SLC28A3: variants seen among roughly 807,000 people sequenced by gnomAD.
The protein encoded by SLC28A3 is solute carrier family 28 member 3.
SLC28A3 carries 68 observed loss-of-function variants against 84.2 expected under a neutral mutation model. The ratio of observed to expected loss-of-function variants is 0.81; its 90% confidence interval spans 0.66 to 0.99. SLC28A3 has a LOEUF of 0.99. Among genes scored for constraint, SLC28A3 ranks in the 50% least tolerant of loss-of-function variants. SLC28A3 has a pLI of 0.00. For synonymous variants in SLC28A3, 267 were observed against 303.6 expected (o/e 0.88, Z 1.25); for missense variants, 712 against 841.5 (o/e 0.85, Z 1.90).
the SLC28A3 span, among the ~76,000 whole-genome samples, chr9:84,361,075 GT>G: frequency 6.6e-6 from 1 of 152,158 alleles, no homozygotes; most frequent in Non-Finnish European, 1.5e-5. Flanking sequence ...GCCGGGTGCG[GT>G]GGCTCAGGCC....
intron 3 of SLC28A3, 81 bp downstream of exon 3, chr9:84,309,548 A>ATT: frequency 1.4e-6 from 1 of 726,270 alleles, no homozygotes; most frequent in Non-Finnish European, 2.1e-6. Flanking sequence ...AAAAAAAAAA[A>ATT]GAAATCAAAT....
At chr9:84,306,003 T>C (rs1357075683) in intron 3 of SLC28A3, among the ~76,000 whole-genome samples, 1 of 152,116 alleles carries the variant, frequency 6.6e-6, no homozygotes, top group Non-Finnish European at 1.5e-5. Context: ...GTGAGTAATG[T>C]GTAGGTTGGG....
At chr9:84,302,480 G>A (rs1217188756) in intron 4 of SLC28A3, 91 bp from the exon 5 acceptor site, 1 of 1,252,290 alleles carries the variant, frequency 8.0e-7, no homozygotes, top group East Asian at 2.5e-5. Context: ...GGTGAGGGGA[G>A]GTTTAATATC....
At chr9:84,314,900 A>C (rs1826116443) in intron 1 of SLC28A3, among the ~76,000 whole-genome samples, 1 of 152,144 alleles carries the variant, frequency 6.6e-6, no homozygotes, top group African/African-American at 2.4e-5. Context: ...AACATGGTGA[A>C]ACCCCGTCTC....
chr9:84,282,463 C>G (rs1477201568), intron 14 of SLC28A3, among the ~76,000 whole-genome samples: 1 of 152,146 alleles, frequency 6.6e-6, no homozygotes, highest in Non-Finnish European at 1.5e-5. Flanking sequence ...ATCACAGGAG[C>G]TTCCTTATAG....
chr9:84,285,186 T>C (rs982844745), intron 14 of SLC28A3, among the ~76,000 whole-genome samples, 159 bp downstream of exon 14: 2 of 152,254 alleles, frequency 1.3e-5, no homozygotes, highest in Admixed American at 1.3e-4. Flanking sequence ...GGAAGTGCTA[T>C]GTACATTATA....
At chr9:84,342,267 T>C (rs1007044915), upstream of SLC28A3, among the ~76,000 whole-genome samples, 1 of 151,670 alleles carries the variant, frequency 6.6e-6, no homozygotes. Flanking sequence ...CTGAGTTTTC[T>C]ATAAAGAGAA....
chr9:84,345,977 A>G, the SLC28A3 span, among the ~76,000 whole-genome samples: 1 of 152,208 alleles, frequency 6.6e-6, no homozygotes, highest in African/African-American at 2.4e-5. Flanking sequence ...AGGCCTTTTC[A>G]GTTTTACAAG....
At chr9:84,365,991 G>T in the SLC28A3 span, among the ~76,000 whole-genome samples, 1 of 152,090 alleles carries the variant, frequency 6.6e-6, no homozygotes, top group Non-Finnish European at 1.5e-5. Flanking sequence ...CAGAGGTTGT[G>T]GTGAGCCAAG....
chr9:84,287,831 G>C lies in SLC28A3; in HGVS notation c.1280+217C>G, dbSNP rs559819411. Among the ~76,000 whole-genome samples the C allele has an allele frequency of 2.0e-5, 3 of 152,278 alleles. No individual in the cohort carries two copies. The South Asian group carries it at 6.2e-4, about 32-fold the overall frequency. On this transcript the variant is annotated intron_variant, in intron 12 of 17. Transcript: ENST00000376238. The stretch of plus-strand genomic sequence containing the variant: ...TTCATACCACTGCACTCCAGCTTGA[G>C]TGACAGAGCAACTTTAAAAAAGTCT...
intron 1 of SLC28A3, among the ~76,000 whole-genome samples, chr9:84,338,031 C>G (rs1043284948): frequency 2.6e-5 from 4 of 152,180 alleles, no homozygotes; most frequent in African/African-American, 9.7e-5. Flanking sequence ...TCCAGGTAAT[C>G]CATAGATATG....
the SLC28A3 span, among the ~76,000 whole-genome samples, chr9:84,355,409 GC>G: frequency 6.6e-6 from 1 of 152,118 alleles, no homozygotes; most frequent in South Asian, 2.1e-4. Flanking sequence ...CTATAGTACA[GC>G]CTGGGTGATG....
chr9:84,276,991 T>C lies in SLC28A3; in HGVS notation c.*1227A>G, dbSNP rs1824548584. 1 of 152,238 alleles carries C rather than the reference T, an allele frequency of 6.6e-6. No individual in the cohort carries two copies. The highest frequency in any genetic ancestry group is 1.5e-5 in the Non-Finnish European group (1 of 68,044). The allele number at this position is 152,238 out of a possible 1,614,324, so 9.4% of individuals were successfully genotyped here. A position where few individuals can be genotyped will look rare whatever the true frequency, so the allele number is the denominator to read the frequency against. On this transcript the variant is annotated 3_prime_UTR_variant, in exon 18 of 18. Transcript: ENST00000376238. ...CATTTCGTTAAAGAGCACACCACCA[T>C]TGTCTCTGGAATCTTTTTCTTAGAC...
At chr9:84,339,156 G>T (rs922193190) in intron 1 of SLC28A3, among the ~76,000 whole-genome samples, 4 of 151,956 alleles carry the variant, frequency 2.6e-5, no homozygotes, top group Admixed American at 1.3e-4. Flanking sequence ...TTCACTATTT[G>T]CCGTGCTTTG....
chr9:84,279,529 C>A, intron 16 of SLC28A3, 144 bp from the exon 17 acceptor site: 1 of 542,710 alleles, frequency 1.8e-6, no homozygotes, highest in Admixed American at 4.3e-5. Context: ...GCAACCTCTG[C>A]CTCCCGGGTT....
At chr9:84,328,356 G>C (rs191153880) in intron 1 of SLC28A3, among the ~76,000 whole-genome samples, 8 of 151,966 alleles carry the variant, frequency 5.3e-5, no homozygotes, top group Admixed American at 5.2e-4. Context: ...ACATGATCTG[G>C]CCAGGTGTGG....
chr9:84,285,663 C>G, intron 13 of SLC28A3, 121 bp from the exon 14 acceptor site: 2 of 1,091,456 alleles, frequency 1.8e-6, no homozygotes, highest in South Asian at 3.0e-5. Context: ...TCCTTCTTCC[C>G]TTGCCCATCT....
chr9:84,280,705 C>G (rs1824714906), intron 15 of SLC28A3, 96 bp downstream of exon 15: 2 of 1,173,584 alleles, frequency 1.7e-6, no homozygotes, highest in East Asian at 4.8e-5. Flanking sequence ...GTTGCAAAGG[C>G]CTTTGTTTTT....
Position 84,279,315 on chromosome 9 carries a change from G to C in SLC28A3, c.1899C>G (p.Phe633Leu). The change falls in exon 17 of 18, where the codon TTC (phenylalanine) becomes TTG (leucine). Residue 633 changes from phenylalanine to leucine, a missense_variant. By Grantham distance (22) the Phe-to-Leu change is conservative. Transcript: ENST00000376238. ...HVLENAFNST[F>L]PGNTTKVIAC... is the part of the protein sequence containing the mutation. Reference sequence around the variant, plus strand: ...CTATCACCTTGGTTGTGTTTCCAGGGAAAGTGGAGTTGAAGGCATTCTCTA... The same window carrying C: ...CTATCACCTTGGTTGTGTTTCCAGGCAAAGTGGAGTTGAAGGCATTCTCTA... 6.2e-7 allele frequency: 1 copy of C among 1,613,430 alleles called. No individual in the cohort carries two copies. The highest frequency in any genetic ancestry group is 8.5e-7 in the Non-Finnish European group (1 of 1,179,578).
Sources: allele counts gnomAD v4.1 joint callset (sites outside exome capture counted in the v4.1 genomes callset), GRCh38; gene constraint gnomAD v4.1.1; transcripts MANE v1.5; gene names NCBI Gene and HGNC (gene_info 2026-07-23, HGNC 2026-07-21).